Variants in CTTNBP2NL observed in about 807,000 individuals in gnomAD.
CTTNBP2NL encodes the protein CTTNBP2 N-terminal like.
In CTTNBP2NL, 16 loss-of-function variants were observed where a neutral mutation model predicts 32.5. The ratio of observed to expected loss-of-function variants is 0.49; its 90% CI spans 0.33 to 0.75. CTTNBP2NL has a LOEUF of 0.75. Ranked by LOEUF, CTTNBP2NL falls within the 30% of genes least tolerant of loss-of-function variation. The pLI is 0.02. For missense variants in CTTNBP2NL, 645 were observed against 756.0 expected (o/e 0.85, Z 1.72); for synonymous variants, 298 against 289.4 (o/e 1.03, Z -0.30).
chr1:112,413,311 A>G (rs766628378), intron 2 of CTTNBP2NL, among the ~76,000 whole-genome samples: 3 of 152,250 alleles, frequency 2.0e-5, no homozygotes, highest in Non-Finnish European at 4.4e-5. Flanking sequence ...GGGCAACTGA[A>G]GTTATTTCCG....
intron 3 of CTTNBP2NL, among the ~76,000 whole-genome samples, chr1:112,427,691 C>T (rs189479546): frequency 1.8e-4 from 28 of 152,010 alleles, no homozygotes; most frequent in South Asian, 8.3e-4. Flanking sequence ...GTCAGGAGAT[C>T]GAGACCATCC....
intron 3 of CTTNBP2NL, among the ~76,000 whole-genome samples, chr1:112,446,028 C>T (rs1181816183): frequency 6.6e-6 from 1 of 152,154 alleles, no homozygotes; most frequent in African/African-American, 2.4e-5. Flanking sequence ...ACTAAACCAA[C>T]AGTGCCAATA....
chr1:112,412,875 TCCCAA>T (rs1648924438), intron 2 of CTTNBP2NL, among the ~76,000 whole-genome samples: 1 of 152,086 alleles, frequency 6.6e-6, no homozygotes, highest in African/African-American at 2.4e-5. Context: ...CACCTCCACC[TCCCAA>T]AGTGCTGGGA....
At chr1:112,425,812 A>G (rs1393809815) in intron 3 of CTTNBP2NL, among the ~76,000 whole-genome samples, 3 of 152,156 alleles carry the variant, frequency 2.0e-5, no homozygotes, top group Non-Finnish European at 4.4e-5. Context: ...GCAATGAGCT[A>G]TAATTGCACC....
At position 112,421,314 on chromosome 1, in the gene CTTNBP2NL, T is replaced by TC. The variant is rs200072757; in HGVS notation, c.99+5050_99+5051insC. ...AATGAGACCCCCATTTCTTTTCTTT[T>TC]TTTTTTTTTTTTTTGAGACGGAGTT... On this transcript the variant is annotated intron_variant, in intron 3 of 5. Coordinates refer to ENST00000271277, the MANE Select transcript of CTTNBP2NL (RefSeq NM_018704.3). Among the ~76,000 whole-genome samples, 16 of 136,924 alleles carry TC rather than the reference T, an allele frequency of 1.2e-4. No individual in the cohort carries two copies. In the East Asian group the frequency reaches 2.1e-3, roughly 18 times the overall value. 89.8% of individuals were successfully genotyped at this position (136,924 alleles called of 152,430 possible).
chr1:112,426,451 G>A (rs1232979486), intron 3 of CTTNBP2NL, among the ~76,000 whole-genome samples: 1 of 151,948 alleles, frequency 6.6e-6, no homozygotes, highest in Non-Finnish European at 1.5e-5. Context: ...CAGAACTTTA[G>A]GAGGTCAAGG....
intron 4 of CTTNBP2NL, among the ~76,000 whole-genome samples, chr1:112,451,340 A>C (rs1397740441): frequency 6.7e-6 from 1 of 148,582 alleles, no homozygotes. Context: ...CACATCTACT[A>C]TTCCCAAATC....
intron 3 of CTTNBP2NL, among the ~76,000 whole-genome samples, chr1:112,448,182 A>T (rs1650111592): frequency 6.6e-6 from 1 of 152,188 alleles, no homozygotes; most frequent in Non-Finnish European, 1.5e-5. Context: ...CTTGAAAGAG[A>T]CAGAAAAGAG....
chr1:112,392,021 A>AAATAAATAAATAAATAAAC (rs1557880138), upstream of CTTNBP2NL, among the ~76,000 whole-genome samples: 62 of 132,006 alleles, frequency 4.7e-4, 1 homozygote, highest in African/African-American at 2.4e-3. Flanking sequence ...AATAAATAAA[A>AAATAAATAAATAAATAAAC]TAAGTCCAAA....
chr1:112,413,382 A>C (rs1648944535), intron 2 of CTTNBP2NL, among the ~76,000 whole-genome samples: 1 of 152,202 alleles, frequency 6.6e-6, no homozygotes, highest in African/African-American at 2.4e-5. Flanking sequence ...TCTTTTGAAA[A>C]ATGAGACAGG....
intron 3 of CTTNBP2NL, among the ~76,000 whole-genome samples, chr1:112,438,297 T>C (rs1489127351): frequency 1.3e-5 from 2 of 152,192 alleles, no homozygotes; most frequent in African/African-American, 4.8e-5. Flanking sequence ...TTTTATTCTA[T>C]GTGTGGCGAC....
chr1:112,450,321 T>C (rs1650179649), intron 4 of CTTNBP2NL, among the ~76,000 whole-genome samples: 2 of 152,128 alleles, frequency 1.3e-5, no homozygotes, highest in Admixed American at 1.3e-4. Flanking sequence ...ATGTTCAGAG[T>C]TTATGCATTT....
chr1:112,415,064 A>G (rs1263810687), intron 2 of CTTNBP2NL, among the ~76,000 whole-genome samples: 1 of 151,970 alleles, frequency 6.6e-6, no homozygotes, highest in Non-Finnish European at 1.5e-5. Flanking sequence ...GGTGGCATGT[A>G]TCGGTGATCC....
intron 1 of CTTNBP2NL, among the ~76,000 whole-genome samples, chr1:112,408,220 A>ATTTTTTTTTTT (rs397981257): frequency 4.8e-5 from 5 of 103,758 alleles, no homozygotes; most frequent in African/African-American, 1.3e-4. Flanking sequence ...TTTTTTTTTA[A>ATTTTTTTTTTT]TTTTTTTTTT....
intron 1 of CTTNBP2NL, among the ~76,000 whole-genome samples, chr1:112,408,245 T>C (rs1029300769): frequency 7.2e-6 from 1 of 139,816 alleles, no homozygotes; most frequent in African/African-American, 2.8e-5. Flanking sequence ...TTTTTTTTGC[T>C]GTTGCCCAGG....
chr1:112,450,932 A>G (rs923690921), intron 4 of CTTNBP2NL, among the ~76,000 whole-genome samples: 3 of 152,118 alleles, frequency 2.0e-5, no homozygotes, highest in African/African-American at 7.2e-5. Context: ...CTAGAGGCTT[A>G]TAATTAGGGT....
chr1:112,394,799 T>C (rs964629416), upstream of CTTNBP2NL, among the ~76,000 whole-genome samples: 1 of 152,214 alleles, frequency 6.6e-6, no homozygotes, highest in Non-Finnish European at 1.5e-5. Flanking sequence ...TATGGAGTCA[T>C]ACATCCTTAC....
intron 3 of CTTNBP2NL, among the ~76,000 whole-genome samples, chr1:112,434,907 C>G (rs2101019292): frequency 6.6e-6 from 1 of 152,190 alleles, no homozygotes; most frequent in East Asian, 1.9e-4. Flanking sequence ...CTTTGGGAGG[C>G]CGAGGCGGGT....
intron 1 of CTTNBP2NL, among the ~76,000 whole-genome samples, chr1:112,411,683 T>C (rs1648870754): frequency 8.8e-6 from 1 of 114,282 alleles, no homozygotes; most frequent in Admixed American, 1.1e-4. Flanking sequence ...GTTGTAATTA[T>C]GATTTTTTTT....
Sources: allele counts gnomAD v4.1 joint callset (sites outside exome capture counted in the v4.1 genomes callset), GRCh38; gene constraint gnomAD v4.1.1; transcripts MANE v1.5; gene names NCBI Gene and HGNC (gene_info 2026-07-23, HGNC 2026-07-21).